Variants in PLXDC2 observed in about 807,000 individuals in gnomAD.
PLXDC2 encodes the protein plexin domain containing 2, also known as plexin domain-containing protein 2.
In PLXDC2, 40 loss-of-function variants were observed where a neutral mutation model predicts 68.9. The observed-to-expected ratio is 0.58, with a 90% CI of 0.45 to 0.76. PLXDC2 has a LOEUF of 0.76. PLXDC2 is among the 30% of genes least tolerant of loss of function. The pLI, the probability that PLXDC2 is intolerant of heterozygous loss-of-function variation, is 0.00. For synonymous variants in PLXDC2, 243 were observed against 234.2 expected (o/e 1.04, Z -0.34); for missense variants, 644 against 661.9 (o/e 0.97, Z 0.30).
intron 1 of PLXDC2, among the ~76,000 whole-genome samples, chr10:19,835,416 A>G (rs992026339): frequency 1.3e-5 from 2 of 152,180 alleles, no homozygotes; most frequent in Non-Finnish European, 2.9e-5. Context: ...CATGTTTTCC[A>G]GGTGCTTTAG....
chr10:20,277,257 A>G (rs1052431769), intron 13 of PLXDC2, among the ~76,000 whole-genome samples: 2 of 151,810 alleles, frequency 1.3e-5, no homozygotes, highest in Admixed American at 1.3e-4. Flanking sequence ...TTTCATTTAT[A>G]AAGAATAATC....
intron 9 of PLXDC2, among the ~76,000 whole-genome samples, chr10:20,200,067 C>A (rs1834896074): frequency 6.6e-6 from 1 of 150,818 alleles, no homozygotes; most frequent in African/African-American, 2.4e-5. Context: ...AGCAGAAAAG[C>A]AATAAAAGAA....
intron 1 of PLXDC2, among the ~76,000 whole-genome samples, chr10:19,953,788 CAA>C (rs1248067932): frequency 1.3e-5 from 2 of 151,906 alleles, no homozygotes; most frequent in Non-Finnish European, 2.9e-5. Flanking sequence ...ATTTTTATTA[CAA>C]AGTTTCCTTA....
intron 1 of PLXDC2, among the ~76,000 whole-genome samples, chr10:19,980,707 G>T (rs908861584): frequency 3.2e-4 from 49 of 152,244 alleles, no homozygotes; most frequent in African/African-American, 1.1e-3. Flanking sequence ...GAACACGTGC[G>T]ATCTGGTATT....
rs1836093414 is a variant in PLXDC2 at position 20,282,414 on chromosome 10, ATTACT to A, written c.*2597_*2601del. On this transcript the variant is annotated 3_prime_UTR_variant, in exon 14 of 14. Transcript: ENST00000377252. The stretch of plus-strand genomic sequence containing the variant: ...TGTATTAGAGAAGGTGCAACTGTAC[ATTACT>A]TAATATACTATGAACATAATAGAAT... 4.6e-5 allele frequency: 7 copies of A among 152,336 alleles called. No homozygotes were observed. The South Asian group carries it at 1.4e-3, about 32-fold the overall frequency. 9.4% of individuals were successfully genotyped at this position (152,336 alleles called of 1,614,324 possible). A position where few individuals can be genotyped will look rare whatever the true frequency, so the allele number is the denominator to read the frequency against.
intron 3 of PLXDC2, among the ~76,000 whole-genome samples, chr10:20,059,136 G>A (rs1836054818): frequency 6.6e-6 from 1 of 152,134 alleles, no homozygotes; most frequent in Non-Finnish European, 1.5e-5. Context: ...GAGAAGCTTG[G>A]AGAACTCTCT....
chr10:19,817,063 G>T lies in PLXDC2; in HGVS notation c.-17G>T. 2 of 1,504,070 alleles carry T rather than the reference G, an allele frequency of 1.3e-6. No individual in the cohort carries two copies. Among genetic ancestry groups the T allele is most frequent in the Non-Finnish European group, 1.8e-6 (2 of 1,122,436 alleles). The allele number at this position is 1,504,070 out of a possible 1,614,324, so 93.2% of individuals were successfully genotyped here. ...GCGAAGGACTGGCGGGTGGGGTAGG[G>T]AGGTGGCGGCGGCGGCATGGCGAGG... On this transcript the variant is annotated 5_prime_UTR_variant, in exon 1 of 14. Transcript: ENST00000377252.
intron 1 of PLXDC2, among the ~76,000 whole-genome samples, chr10:19,901,237 TC>T (rs939320630): frequency 6.6e-6 from 1 of 152,058 alleles, no homozygotes; most frequent in African/African-American, 2.4e-5. Flanking sequence ...TTTTATTTCT[TC>T]AAGGAATCTC....
chr10:20,103,656 T>TC, intron 4 of PLXDC2, among the ~76,000 whole-genome samples: 1 of 151,244 alleles, frequency 6.6e-6, no homozygotes, highest in East Asian at 1.9e-4. Context: ...TTCTTTTTTT[T>TC]TTTTTGAGAC....
intron 12 of PLXDC2, among the ~76,000 whole-genome samples, chr10:20,240,644 C>T (rs1467772602): frequency 6.7e-6 from 1 of 148,318 alleles, no homozygotes; most frequent in East Asian, 2.0e-4. Context: ...TCATCTAAAG[C>T]CCATAGAAAG....
At position 19,873,437 on chromosome 10, in the gene PLXDC2, A is replaced by T. The variant is rs541290012; in HGVS notation, c.112+56246A>T. Among the ~76,000 whole-genome samples, 66 of 126,168 alleles carry T rather than the reference A, an allele frequency of 5.2e-4. No individual in the cohort carries two copies. In the South Asian group the frequency reaches 5.4e-3, roughly 10 times the overall value. 82.8% of individuals were successfully genotyped at this position (126,168 alleles called of 152,430 possible). On this transcript the variant is annotated intron_variant, in intron 1 of 13. Transcript: ENST00000377252. ...TTTTTTTTTTTTTTTTTGAACTGAG[A>T]CCTTGCTCCCTTACCCAGGCTGTAG...
At chr10:19,899,466 A>T (rs73601633) in intron 1 of PLXDC2, among the ~76,000 whole-genome samples, 2 of 152,138 alleles carry the variant, frequency 1.3e-5, no homozygotes, top group South Asian at 2.1e-4. Context: ...TTAAGACATC[A>T]TTTCTACAAA....
chr10:19,834,889 T>G (rs1564603703), intron 1 of PLXDC2, among the ~76,000 whole-genome samples: 1 of 152,046 alleles, frequency 6.6e-6, no homozygotes, highest in East Asian at 1.9e-4. Flanking sequence ...TATATATGTG[T>G]GTGAGAGAGA....
intron 1 of PLXDC2, among the ~76,000 whole-genome samples, chr10:19,817,723 G>A (rs1836381585): frequency 6.6e-6 from 1 of 152,202 alleles, no homozygotes; most frequent in Non-Finnish European, 1.5e-5. Flanking sequence ...AGCGGGCGCT[G>A]GAAGGGGGGC....
At chr10:19,883,911 T>TTTTTTTTTTTTTTTA (rs1837788503) in intron 1 of PLXDC2, among the ~76,000 whole-genome samples, 1 of 136,798 alleles carries the variant, frequency 7.3e-6, no homozygotes, top group Admixed American at 8.0e-5. Context: ...TTTTTTTTTT[T>TTTTTTTTTTTTTTTA]AGCAGACAGG....
At chr10:19,852,680 A>G (rs925816999) in intron 1 of PLXDC2, among the ~76,000 whole-genome samples, 2 of 152,166 alleles carry the variant, frequency 1.3e-5, no homozygotes, top group African/African-American at 4.8e-5. Flanking sequence ...ATCAAAACAC[A>G]TATTCAGCCA....
intron 4 of PLXDC2, among the ~76,000 whole-genome samples, chr10:20,097,807 G>A (rs1017603116): frequency 7.3e-5 from 11 of 151,688 alleles, no homozygotes; most frequent in African/African-American, 2.4e-4. Flanking sequence ...AATATAGGAA[G>A]AGTTATTGCT....
intron 7 of PLXDC2, among the ~76,000 whole-genome samples, chr10:20,174,678 G>T (rs1361910791): frequency 6.6e-6 from 1 of 152,018 alleles, no homozygotes; most frequent in Non-Finnish European, 1.5e-5. Flanking sequence ...AGCATTAGGA[G>T]ATATACCTAA....
Position 19,861,225 on chromosome 10 carries a change from G to A in PLXDC2, c.112+44034G>A, listed in dbSNP as rs552926645. Among the ~76,000 whole-genome samples, 651 of 151,824 alleles carry A rather than the reference G, an allele frequency of 4.3e-3. 5 individuals are homozygous for A. Among genetic ancestry groups the A allele is most frequent in the African/African-American group, 0.015 (631 of 41,402 alleles). Reference sequence around the variant, plus strand: ...AATTTTTGTATTTTTTGTAGAGATGGGGTTTCACCATGTTGGCCAGGCTGG... The same window carrying A: ...AATTTTTGTATTTTTTGTAGAGATGAGGTTTCACCATGTTGGCCAGGCTGG... On this transcript the variant is annotated intron_variant, in intron 1 of 13. Transcript: ENST00000377252.
Sources: gnomAD v4.1 joint callset for allele counts (sites outside exome capture counted in the v4.1 genomes callset) on GRCh38, gnomAD v4.1.1 for gene constraint, MANE v1.5 for transcripts, NCBI Gene and HGNC (gene_info 2026-07-23, HGNC 2026-07-21) for gene names.